Variants in DFFA observed in about 807,000 individuals in gnomAD.
DFFA encodes the protein DFF45.
Under a neutral mutation model 28.0 loss-of-function variants are expected in DFFA, and 14 were observed. The observed-to-expected ratio is 0.50, with a 90% CI of 0.33 to 0.78. DFFA has a LOEUF of 0.78. DFFA is among the 30% of genes least tolerant of loss of function. The probability of loss-of-function intolerance (pLI) is 0.02; values close to 1 mark genes in which losing one functional copy is unlikely to be tolerated. For synonymous variants in DFFA, 158 were observed against 170.3 expected (o/e 0.93, Z 0.56); for missense variants, 395 against 407.1 (o/e 0.97, Z 0.26).
At chr1:10,462,178 C>T (rs918247210) in intron 5 of DFFA, among the ~76,000 whole-genome samples, 8 of 151,932 alleles carry the variant, frequency 5.3e-5, no homozygotes, top group African/African-American at 9.7e-5. Flanking sequence ...TTTTTTAAGA[C>T]GGAGTTTCAC....
chr1:10,463,069 G>A lies in DFFA; in HGVS notation c.772C>T (p.Gln258Ter). ...TGGTTTCCGCCCACCTCCAAATCCTGACTAGATAAGCTCAGCTCTGGAGCC... is the reference window on the plus strand; with the variant it reads ...TGGTTTCCGCCCACCTCCAAATCCTAACTAGATAAGCTCAGCTCTGGAGCC... Reference protein sequence around the residue: ...KQAPELSLSSQDLELVTKEDP... With the variant: ...KQAPELSLSS The change falls in exon 5 of 6, where the codon CAG becomes TAG. Residue 258 changes from glutamine (Q) to a stop codon, truncating the protein, a stop_gained. Coordinates refer to ENST00000377038, the MANE Select transcript of DFFA (RefSeq NM_004401.3). LOFTEE classifies it low-confidence loss of function (END_TRUNC). 6.2e-7 allele frequency: 1 copy of A among 1,614,080 alleles called. No individual in the cohort carries two copies. The highest frequency in any genetic ancestry group is 8.5e-7 in the Non-Finnish European group (1 of 1,180,018).
chr1:10,463,078 A>C lies in DFFA; in HGVS notation c.763T>G (p.Leu255Val), dbSNP rs759033363. The C allele has an allele frequency of 4.3e-6, 7 of 1,614,114 alleles. No homozygotes were observed. The highest frequency in any genetic ancestry group is 5.9e-6 in the Non-Finnish European group (7 of 1,180,012). ...CCCACCTCCAAATCCTGACTAGATAAGCTCAGCTCTGGAGCCTGCTTCTCC... is the reference window on the plus strand; with the variant it reads ...CCCACCTCCAAATCCTGACTAGATACGCTCAGCTCTGGAGCCTGCTTCTCC... ...LREKQAPELSLSSQDLELVTK... is the reference protein window; with the variant it reads ...LREKQAPELSVSSQDLELVTK... Residue 255 changes from leucine to valine, a missense_variant, in exon 5 of 6, where the codon TTA (leucine) becomes GTA (valine). Physicochemically the swap from Leu to Val is conservative, Grantham distance 32. Transcript: ENST00000377038.
At chr1:10,466,469 G>A (rs1245575342) in intron 3 of DFFA, among the ~76,000 whole-genome samples, 2 of 150,698 alleles carry the variant, frequency 1.3e-5, no homozygotes, top group African/African-American at 2.4e-5. Context: ...GATTACAGGC[G>A]TGAGCCACTG....
chr1:10,462,716 C>G lies in DFFA; in HGVS notation c.783+342G>C, dbSNP rs11121573. 5 of 1,114,786 alleles carry G rather than the reference C, an allele frequency of 4.5e-6. No homozygotes were observed. In the African/African-American group the frequency reaches 7.9e-5, roughly 18 times the overall value. 69.1% of individuals were successfully genotyped at this position (1,114,786 alleles called of 1,614,324 possible). ...GCCTTTTCCTGTGACATTGACAGAC[C>G]TCAGGACGGACTATAGATCTTCTCT... On this transcript the variant is annotated intron_variant, in intron 5 of 5. Coordinates refer to ENST00000377038, the MANE Select transcript of DFFA (RefSeq NM_004401.3).
intron 3 of DFFA, 37 bp downstream of exon 3, chr1:10,467,153 G>A (rs1185469605): frequency 5.6e-6 from 9 of 1,611,652 alleles, no homozygotes; most frequent in Non-Finnish European, 7.6e-6. Flanking sequence ...GGCAGAGGCT[G>A]GATGAACATT....
In DFFA at chr1:10,461,615, G is replaced by T; in HGVS notation, c.871C>A (p.Arg291=). 1 of 1,614,218 alleles carries T rather than the reference G, an allele frequency of 6.2e-7. No individual in the cohort carries two copies. Among genetic ancestry groups the T allele is most frequent in the East Asian group, 2.2e-5 (1 of 44,874 alleles). Reference sequence around the variant, plus strand: ...TGCTGCAGGCGCAGGGCGAGCTCCCGCTCACAGGCCTCCTGAACAGTCTCC... The same window carrying T: ...TGCTGCAGGCGCAGGGCGAGCTCCCTCTCACAGGCCTCCTGAACAGTCTCC... ...KTETVQEACE[R]ELALRLQQTQ... The change falls in exon 6 of 6, where the codon CGG becomes AGG. Residue 291 remains arginine, a synonymous_variant. Transcript: ENST00000377038.
chr1:10,464,803 C>G (rs149589861), intron 3 of DFFA, among the ~76,000 whole-genome samples: 1 of 152,302 alleles, frequency 6.6e-6, no homozygotes, highest in East Asian at 1.9e-4. Flanking sequence ...TAGCCTCCAT[C>G]ACTCTCTGCA....
Position 10,472,476 on chromosome 1 carries a change from C to T in DFFA, c.-18G>A, listed in dbSNP as rs772980696. 6.9e-6 allele frequency: 11 copies of T among 1,585,332 alleles called. No individual in the cohort carries two copies. The highest frequency in any genetic ancestry group is 9.5e-6 in the Non-Finnish European group (11 of 1,163,030). ...ACCTCCATCCTCCACAAGGTGGGAC[C>T]TGCCCACCTTCGAGAAGTCGCGGGA... On this transcript the variant is annotated 5_prime_UTR_variant, in exon 1 of 6. Transcript: ENST00000377038. This position sits in a 1 kb window ranked among gnomAD's most constrained non-coding sequence, Gnocchi z 5.0.
Position 10,463,052 on chromosome 1 carries a change from G to A in DFFA, c.783+6C>T, listed in dbSNP as rs773068427. 1.5e-5 allele frequency: 24 copies of A among 1,613,740 alleles called. No individual in the cohort carries two copies. Among genetic ancestry groups the A allele is most frequent in the South Asian group, 4.4e-5 (4 of 91,074 alleles). ...CTGTAGCTCAGTGACCCTGGTTTCCGCCCACCTCCAAATCCTGACTAGATA... is the reference window on the plus strand; with the variant it reads ...CTGTAGCTCAGTGACCCTGGTTTCCACCCACCTCCAAATCCTGACTAGATA... On this transcript the variant is annotated splice_donor_region_variant and intron_variant, in intron 5 of 5. Coordinates refer to ENST00000377038, the MANE Select transcript of DFFA (RefSeq NM_004401.3).
intron 3 of DFFA, among the ~76,000 whole-genome samples, chr1:10,463,872 C>A (rs1267591410): frequency 1.3e-5 from 2 of 151,960 alleles, no homozygotes; most frequent in African/African-American, 4.8e-5. Context: ...GTCATGTTGG[C>A]CAGGCTGGTC....
intron 3 of DFFA, among the ~76,000 whole-genome samples, chr1:10,465,180 C>T (rs1435401782): frequency 3.3e-5 from 5 of 152,190 alleles, no homozygotes; most frequent in East Asian, 1.9e-4. Flanking sequence ...CCGCAACCTC[C>T]GCCTCCTGGG....
chr1:10,470,430 T>G (rs1641080126), intron 1 of DFFA, among the ~76,000 whole-genome samples: 1 of 148,106 alleles, frequency 6.8e-6, no homozygotes, highest in Admixed American at 6.7e-5. Context: ...CTCTTTTTTT[T>G]TTTTTTTTTT....
rs1557790236 is a variant in DFFA at position 10,458,895 on chromosome 1, C to G, written c.*2595G>C. Reference sequence around the variant, plus strand: ...TGTGTGACAGTGTCTCACTCTGTTGCAGGCTGGAGTACAGTGGCACAATTT... The same window carrying G: ...TGTGTGACAGTGTCTCACTCTGTTGGAGGCTGGAGTACAGTGGCACAATTT... On this transcript the variant is annotated 3_prime_UTR_variant, in exon 6 of 6. Coordinates refer to ENST00000377038, the MANE Select transcript of DFFA (RefSeq NM_004401.3). The G allele has an allele frequency of 6.7e-6, 1 of 149,174 alleles. No homozygotes were observed. The highest frequency in any genetic ancestry group is 1.5e-5 in the Non-Finnish European group (1 of 67,580). The allele number at this position is 149,174 out of a possible 1,614,324, so 9.2% of individuals were successfully genotyped here.
intron 4 of DFFA, 77 bp from the exon 5 acceptor site, chr1:10,463,286 G>T: frequency 6.3e-7 from 1 of 1,578,114 alleles, no homozygotes; most frequent in Non-Finnish European, 8.6e-7. Context: ...AGAATAACTG[G>T]CCGGGCAAGA....
At chr1:10,462,042 T>C (rs890770700) in intron 5 of DFFA, among the ~76,000 whole-genome samples, 3 of 152,166 alleles carry the variant, frequency 2.0e-5, no homozygotes, top group East Asian at 3.9e-4. Context: ...TTTTTTTTAG[T>C]AGAGACGGGG....
intron 1 of DFFA, among the ~76,000 whole-genome samples, chr1:10,470,783 G>T (rs1218467769): frequency 2.1e-5 from 3 of 145,760 alleles, no homozygotes; most frequent in African/African-American, 7.5e-5. Flanking sequence ...CACCAAAAAG[G>T]CCAGGCACGG....
chr1:10,470,647 G>A (rs1279336495), intron 1 of DFFA, among the ~76,000 whole-genome samples: 1 of 149,592 alleles, frequency 6.7e-6, no homozygotes, highest in East Asian at 2.0e-4. Flanking sequence ...GGATGGTCTC[G>A]ATCTCCTGAC....
chr1:10,467,402 A>G (rs990052146), intron 2 of DFFA, 70 bp from the exon 3 acceptor site: 1 of 1,527,262 alleles, frequency 6.5e-7, no homozygotes, highest in Non-Finnish European at 9.1e-7. Context: ...CCCCCAGCAC[A>G]CACAGACCTC....
chr1:10,472,303 G>C lies in DFFA; in HGVS notation c.136+20C>G, dbSNP rs1641109585. ...CCGGCCCTGGCTCCCCCACACCCTC[G>C]CCCGGGGTCCCGAGCCAACCCTTGC... On this transcript the variant is annotated intron_variant, in intron 1 of 5. Transcript: ENST00000377038. This position sits in a 1 kb window ranked among gnomAD's most constrained non-coding sequence, Gnocchi z 5.0. The C allele has an allele frequency of 6.4e-7, 1 of 1,556,604 alleles. No homozygotes were observed. The highest frequency in any genetic ancestry group is 8.7e-7 in the Non-Finnish European group (1 of 1,145,272).
Sources: allele counts gnomAD v4.1 joint callset (sites outside exome capture counted in the v4.1 genomes callset), GRCh38; gene constraint gnomAD v4.1.1; non-coding constraint Gnocchi (gnomAD v3.1); transcripts MANE v1.5; gene names NCBI Gene and HGNC (gene_info 2026-07-23, HGNC 2026-07-21).